Variants in TMOD2 observed in about 807,000 individuals in gnomAD.
TMOD2 encodes tropomodulin-2.
Under a neutral mutation model 39.9 loss-of-function variants are expected in TMOD2, and 22 were observed. The ratio of observed to expected loss-of-function variants is 0.55; its 90% CI spans 0.39 to 0.79. The LOEUF (loss-of-function observed/expected upper bound fraction) is 0.79. TMOD2 is among the 30% of genes least tolerant of loss of function. The probability of loss-of-function intolerance (pLI) is 0.00; values close to 1 mark genes in which losing one functional copy is unlikely to be tolerated. For missense variants in TMOD2, 386 were observed against 413.3 expected, an observed-to-expected ratio of 0.93 and a Z score of 0.57; for synonymous variants, 123 against 146.1, an observed-to-expected ratio of 0.84 and a Z score of 1.14.
intron 2 of TMOD2, chr15:51,767,111 T>A (rs1822243561): frequency 6.6e-6 from 1 of 152,054 alleles, no homozygotes; most frequent in Admixed American, 6.6e-5. Context: ...CTGCAACCTC[T>A]GCCTCCCAGA....
chr15:51,755,069 C>T (rs538557909), intron 1 of TMOD2, among the ~76,000 whole-genome samples: 1 of 152,310 alleles, frequency 6.6e-6, no homozygotes, highest in South Asian at 2.1e-4. Flanking sequence ...TCTACTTTTT[C>T]ATCCTAAATT....
rs2056121598 is a variant in TMOD2, at chr15:51,806,400, A to G, written c.900A>G (p.Val300=). The change falls in exon 9 of 10, where the codon GTA becomes GTG. Residue 300 remains valine, a synonymous_variant. Transcript: ENST00000249700. Reference sequence around the variant, plus strand: ...AGAGGCAGCAGTTGGGAACAGCTGTAGAGATGGAAATTGCCCAGATGCTGG... The same window carrying G: ...AGAGGCAGCAGTTGGGAACAGCTGTGGAGATGGAAATTGCCCAGATGCTGG... The part of the protein sequence containing the change: ...DNQRQQLGTA[V]EMEIAQMLEE... 3 of 1,614,084 alleles carry G rather than the reference A, an allele frequency of 1.9e-6. No homozygotes were observed. In the African/African-American group the frequency reaches 4.0e-5, roughly 22 times the overall value.
chr15:51,813,602 C>A lies in TMOD2; in HGVS notation c.*5148C>A, dbSNP rs1452488103. 1 of 152,156 alleles carries A rather than the reference C, an allele frequency of 6.6e-6. No homozygotes were observed. Among genetic ancestry groups the A allele is most frequent in the Non-Finnish European group, 1.5e-5 (1 of 68,040 alleles). The allele number at this position is 152,156 out of a possible 1,614,324, so 9.4% of individuals were successfully genotyped here. A position where few individuals can be genotyped will look rare whatever the true frequency, so the allele number is the denominator to read the frequency against. ...TGATCATGGGCAATTCATTCAATTG[C>A]CTGCCAATTATAGACTATATAGGGG... On this transcript the variant is annotated 3_prime_UTR_variant, in exon 10 of 10. Coordinates refer to ENST00000249700, the MANE Select transcript of TMOD2 (RefSeq NM_014548.4).
intron 3 of TMOD2, among the ~76,000 whole-genome samples, chr15:51,773,503 G>C (rs2055867109): frequency 6.6e-6 from 1 of 152,222 alleles, no homozygotes. Flanking sequence ...CTGTGTGGCA[G>C]AATGCAGGAT....
At position 51,806,437 on chromosome 15, in the gene TMOD2, A is replaced by G. The variant is rs2056122020; in HGVS notation, c.937A>G (p.Arg313Gly). Residue 313 changes from arginine to glycine, a missense_variant, in exon 9 of 10, where the codon AGG becomes GGG. Arg to Gly is a moderately radical substitution (Grantham distance 125). Coordinates refer to ENST00000249700, the MANE Select transcript of TMOD2 (RefSeq NM_014548.4). ...TGCCCAGATGCTGGAGGAGAATTCA[A>G]GGATCCTCAAGTTTGGATACCAGTT... ...EIAQMLEENS[R>G]ILKFGYQFTK... 1.9e-6 allele frequency: 3 copies of G among 1,614,224 alleles called. No homozygotes were observed. Among genetic ancestry groups the G allele is most frequent in the South Asian group, 1.1e-5 (1 of 91,088 alleles).
At chr15:51,769,798 G>C (rs1220183046) in intron 3 of TMOD2, among the ~76,000 whole-genome samples, 1 of 152,172 alleles carries the variant, frequency 6.6e-6, no homozygotes, top group Non-Finnish European at 1.5e-5. Context: ...ACTTTGGGAG[G>C]CTGAGGCAGG....
intron 3 of TMOD2, among the ~76,000 whole-genome samples, chr15:51,773,322 G>T (rs1003256725): frequency 3.9e-5 from 6 of 152,168 alleles, no homozygotes; most frequent in African/African-American, 9.7e-5. Context: ...TGGCCTCATG[G>T]TTCCTCCCCT....
intron 8 of TMOD2, among the ~76,000 whole-genome samples, chr15:51,805,707 G>A (rs1445323978): frequency 1.3e-5 from 2 of 152,138 alleles, no homozygotes; most frequent in Admixed American, 1.3e-4. Context: ...ACCCTGATGT[G>A]ATTATTATGC....
At chr15:51,805,077 G>A (rs1044149040) in intron 8 of TMOD2, among the ~76,000 whole-genome samples, 8 of 151,836 alleles carry the variant, frequency 5.3e-5, no homozygotes, top group African/African-American at 1.7e-4. Context: ...TCCTGCCTCA[G>A]CCTCCCAAGT....
chr15:51,777,312 G>GA (rs1382047774), intron 5 of TMOD2, among the ~76,000 whole-genome samples: 1 of 152,016 alleles, frequency 6.6e-6, no homozygotes, highest in Non-Finnish European at 1.5e-5. Flanking sequence ...CCATATTCAT[G>GA]AAAAAAAATT....
intron 7 of TMOD2, among the ~76,000 whole-genome samples, chr15:51,785,764 T>C (rs2055965408): frequency 6.6e-6 from 1 of 152,156 alleles, no homozygotes; most frequent in African/African-American, 2.4e-5. Context: ...AATAATTTAT[T>C]ATAAATTTCA....
In TMOD2 at chr15:51,811,058, A is replaced by G. The variant is rs1023144864; in HGVS notation, c.*2604A>G. On this transcript the variant is annotated 3_prime_UTR_variant, in exon 10 of 10. Coordinates refer to ENST00000249700, the MANE Select transcript of TMOD2 (RefSeq NM_014548.4). ...TGAAATCAAATGTTTTTTACTAATC[A>G]GTTTGTTTTCTTATTACCTGTGTTT... 1 of 152,194 alleles carries G rather than the reference A, an allele frequency of 6.6e-6. No homozygotes were observed. Among genetic ancestry groups the G allele is most frequent in the African/African-American group, 2.4e-5 (1 of 41,430 alleles). 9.4% of individuals were successfully genotyped at this position (152,194 alleles called of 1,614,324 possible). A position where few individuals can be genotyped will look rare whatever the true frequency, so the allele number is the denominator to read the frequency against.
intron 9 of TMOD2, among the ~76,000 whole-genome samples, chr15:51,808,146 C>G (rs900468229): frequency 2.0e-5 from 3 of 152,152 alleles, no homozygotes; most frequent in Non-Finnish European, 4.4e-5. Context: ...TGCACTGTTT[C>G]ACGGGTCTCT....
chr15:51,757,978 A>T (rs1220957490), intron 1 of TMOD2, among the ~76,000 whole-genome samples: 1 of 152,086 alleles, frequency 6.6e-6, no homozygotes, highest in African/African-American at 2.4e-5. Context: ...TGGGGGGAAT[A>T]CTGAGGCAAG....
chr15:51,756,611 C>G (rs2055743604), intron 1 of TMOD2: 1 of 152,216 alleles, frequency 6.6e-6, no homozygotes, highest in Non-Finnish European at 1.5e-5. Flanking sequence ...TTCTTCTAAC[C>G]TTGGACAGGA....
intron 4 of TMOD2, among the ~76,000 whole-genome samples, chr15:51,774,981 A>G (rs896550885): frequency 6.6e-6 from 1 of 152,060 alleles, no homozygotes; most frequent in Non-Finnish European, 1.5e-5. Flanking sequence ...GTCCTCGTTC[A>G]TCCTTACTCA....
chr15:51,772,586 G>A (rs1281109581), intron 3 of TMOD2, among the ~76,000 whole-genome samples: 1 of 152,192 alleles, frequency 6.6e-6, no homozygotes, highest in Non-Finnish European at 1.5e-5. Flanking sequence ...CTTGCTGATA[G>A]GATGAAATGG....
At chr15:51,766,248 A>T (rs2055815670) in intron 1 of TMOD2, 125 bp from the exon 2 acceptor site, 1 of 456,454 alleles carries the variant, frequency 2.2e-6, no homozygotes, top group East Asian at 3.2e-5. Flanking sequence ...AGGGAATATT[A>T]CCTTTTTGTT....
chr15:51,775,743 A>G (rs1196273300), intron 4 of TMOD2, among the ~76,000 whole-genome samples: 1 of 151,874 alleles, frequency 6.6e-6, no homozygotes, highest in Non-Finnish European at 1.5e-5. Context: ...ACGCCCAGCT[A>G]ATTTTTCTAT....
Sources: gnomAD v4.1 joint callset for allele counts (sites outside exome capture counted in the v4.1 genomes callset) on GRCh38, gnomAD v4.1.1 for gene constraint, MANE v1.5 for transcripts, NCBI Gene and HGNC (gene_info 2026-07-23, HGNC 2026-07-21) for gene names.